CTNNA3: variants seen among roughly 807,000 people sequenced by gnomAD.
CTNNA3 encodes catenin alpha-3.
A neutral mutation model predicts 95.7 loss-of-function variants in CTNNA3; 76 were observed. The ratio of observed to expected loss-of-function variants is 0.79; its 90% CI spans 0.66 to 0.96. The LOEUF (loss-of-function observed/expected upper bound fraction) is 0.96. Ranked by LOEUF, CTNNA3 falls within the 40% of genes least tolerant of loss-of-function variation. The probability of loss-of-function intolerance (pLI) is 0.00; values close to 1 mark genes in which losing one functional copy is unlikely to be tolerated. For synonymous variants in CTNNA3, 431 were observed against 374.4 expected (o/e 1.15, Z -1.74); for missense variants, 1,191 against 1,089.8 (o/e 1.09, Z -1.31).
intron 7 of CTNNA3, among the ~76,000 whole-genome samples, chr10:66,915,363 G>A (rs977402406): frequency 1.3e-5 from 2 of 152,014 alleles, no homozygotes; most frequent in African/African-American, 4.8e-5. Flanking sequence ...GTAATTCAAT[G>A]TCTCAAAGAT....
intron 5 of CTNNA3, among the ~76,000 whole-genome samples, chr10:67,236,734 C>T (rs987541759): frequency 6.6e-6 from 1 of 151,678 alleles, no homozygotes; most frequent in African/African-American, 2.4e-5. Flanking sequence ...AAAAAATGCA[C>T]ATCACTAATG....
chr10:67,405,681 C>T (rs1028203270), intron 5 of CTNNA3, among the ~76,000 whole-genome samples: 1 of 152,138 alleles, frequency 6.6e-6, no homozygotes, highest in Non-Finnish European at 1.5e-5. Flanking sequence ...AGGACCTGAA[C>T]TCAACTCTGG....
chr10:66,360,842 TTTC>T (rs1294548356), intron 12 of CTNNA3, among the ~76,000 whole-genome samples: 1 of 132,700 alleles, frequency 7.5e-6, no homozygotes, highest in East Asian at 2.3e-4. Context: ...TCTTTCTTTC[TTTC>T]TTTCTTTCTT....
chr10:67,638,042 C>T (rs1313400992), intron 2 of CTNNA3, among the ~76,000 whole-genome samples: 4 of 152,130 alleles, frequency 2.6e-5, no homozygotes, highest in African/African-American at 9.7e-5. Flanking sequence ...ATGGGCTAAA[C>T]ACTCCAATTA....
chr10:67,561,808 T>C (rs533722203), intron 3 of CTNNA3, among the ~76,000 whole-genome samples: 9 of 152,114 alleles, frequency 5.9e-5, no homozygotes, highest in African/African-American at 1.7e-4. Context: ...AAAGGGGATA[T>C]CACCGCCAAT....
rs79207550 is a variant in CTNNA3 at position 65,967,981 on chromosome 10, T to C, written c.2266-1235A>G. 0.013 allele frequency among the ~76,000 whole-genome samples: 2,015 copies of C among 152,268 alleles called. 105 individuals carry two copies. In the East Asian group the frequency reaches 0.18, roughly 13 times the overall value. On this transcript the variant is annotated intron_variant, in intron 16 of 17. Coordinates refer to ENST00000433211, the MANE Select transcript of CTNNA3 (RefSeq NM_013266.4). ...GAATGAATATCAATATAATGTAGCA[T>C]TACTCAGTATCAAGAAAATAGAGTT...
chr10:67,691,410 C>A (rs1204444886), intron 1 of CTNNA3, among the ~76,000 whole-genome samples: 1 of 150,914 alleles, frequency 6.6e-6, no homozygotes, highest in East Asian at 2.0e-4. Flanking sequence ...AAGTGAGGAG[C>A]GTCTCTGCCT....
At chr10:66,534,369 T>C (rs188047390) in intron 10 of CTNNA3, among the ~76,000 whole-genome samples, 1 of 151,890 alleles carries the variant, frequency 6.6e-6, no homozygotes, top group Non-Finnish European at 1.5e-5. Flanking sequence ...ATTACCAGTA[T>C]AGGTGGTAGA....
intron 5 of CTNNA3, among the ~76,000 whole-genome samples, chr10:67,491,535 A>G (rs1375651849): frequency 2.0e-5 from 3 of 152,228 alleles, no homozygotes; most frequent in Non-Finnish European, 4.4e-5. Context: ...TCCAGGAGGA[A>G]AATAATCATG....
intron 10 of CTNNA3, among the ~76,000 whole-genome samples, chr10:66,557,578 C>T (rs908251983): frequency 6.6e-6 from 1 of 152,050 alleles, no homozygotes; most frequent in Non-Finnish European, 1.5e-5. Context: ...TTTTCTGCAA[C>T]GGTAGGATTT....
rs535973976 is a variant in CTNNA3, at chr10:67,145,665, G to A, written c.1047+34652C>T. Among the ~76,000 whole-genome samples the A allele has an allele frequency of 1.3e-3, 202 of 152,048 alleles. 1 individual carries two copies. Among genetic ancestry groups the A allele is most frequent in the African/African-American group, 4.5e-3 (188 of 41,526 alleles). ...AGGCTGTTCTAGAACTCCTGACCTC[G>A]TGATCCACCTGCCTTGGCCTCCCAA... On this transcript the variant is annotated intron_variant, in intron 7 of 17. Coordinates refer to ENST00000433211, the MANE Select transcript of CTNNA3 (RefSeq NM_013266.4).
intron 7 of CTNNA3, among the ~76,000 whole-genome samples, chr10:66,953,368 G>T (rs1319539614): frequency 1.3e-5 from 2 of 152,172 alleles, no homozygotes; most frequent in African/African-American, 2.4e-5. Context: ...ACTGCCGGTT[G>T]TCTGAAATGA....
At chr10:67,147,158 A>T (rs1025057016) in intron 7 of CTNNA3, among the ~76,000 whole-genome samples, 4 of 152,208 alleles carry the variant, frequency 2.6e-5, no homozygotes, top group African/African-American at 9.6e-5. Context: ...AAAAAATCAT[A>T]AATTGACCCT....
Position 67,086,749 on chromosome 10 carries a change from G to C in CTNNA3, c.1047+93568C>G, listed in dbSNP as rs544147397. ...AGACCAAAATACCCTATCAGTCATA[G>C]ATATGGAGAGTTCTTTCCACCAGTT... On this transcript the variant is annotated intron_variant, in intron 7 of 17. Coordinates refer to ENST00000433211, the MANE Select transcript of CTNNA3 (RefSeq NM_013266.4). 1.1e-4 allele frequency among the ~76,000 whole-genome samples: 17 copies of C among 152,046 alleles called. No homozygotes were observed. In the South Asian group the frequency reaches 1.7e-3, roughly 15 times the overall value.
intron 6 of CTNNA3, among the ~76,000 whole-genome samples, chr10:67,206,814 G>A (rs991651549): frequency 6.6e-6 from 1 of 151,462 alleles, no homozygotes; most frequent in East Asian, 1.9e-4. Context: ...TTAAAGGGGA[G>A]AACAATCAAG....
At chr10:66,031,210 A>G (rs2079443068) in intron 15 of CTNNA3, among the ~76,000 whole-genome samples, 1 of 152,202 alleles carries the variant, frequency 6.6e-6, no homozygotes, top group African/African-American at 2.4e-5. Context: ...TATTGGGTAC[A>G]TGCCCAAAGG....
At chr10:66,545,941 G>C (rs926451296) in intron 10 of CTNNA3, among the ~76,000 whole-genome samples, 4 of 149,704 alleles carry the variant, frequency 2.7e-5, no homozygotes, top group African/African-American at 9.8e-5. Flanking sequence ...AATTATGTAT[G>C]TACATTATAT....
chr10:66,027,228 A>AT (rs1311637174), intron 15 of CTNNA3, among the ~76,000 whole-genome samples: 1 of 152,150 alleles, frequency 6.6e-6, no homozygotes, highest in African/African-American at 2.4e-5. Flanking sequence ...AAATTGGAAG[A>AT]TAAAAATTAT....
chr10:66,689,334 C>A (rs559621695), intron 9 of CTNNA3, among the ~76,000 whole-genome samples: 6 of 152,276 alleles, frequency 3.9e-5, no homozygotes, highest in African/African-American at 1.2e-4. Flanking sequence ...GTTTGTTGGC[C>A]TGGACAGTTG....
Sources: allele counts gnomAD v4.1 joint callset (sites outside exome capture counted in the v4.1 genomes callset), GRCh38; gene constraint gnomAD v4.1.1; transcripts MANE v1.5; gene names NCBI Gene and HGNC (gene_info 2026-07-23, HGNC 2026-07-21).